Variants in CCDC80 observed in about 807,000 individuals in gnomAD.
CCDC80 encodes coiled-coil domain-containing protein 80.
CCDC80 carries 49 observed loss-of-function variants against 78.7 expected under a neutral mutation model. That is an observed-to-expected ratio of 0.62 (90% confidence interval 0.50 to 0.79). The LOEUF (loss-of-function observed/expected upper bound fraction) is 0.79. Among genes scored for constraint, CCDC80 ranks in the 30% least tolerant of loss-of-function variants. The pLI, the probability that CCDC80 is intolerant of heterozygous loss-of-function variation, is 0.00. For synonymous variants in CCDC80, 488 were observed against 447.0 expected (o/e 1.09, Z -1.16); for missense variants, 1,205 against 1,198.6 (o/e 1.01, Z -0.08).
At chr3:112,618,833 T>C in intron 4 of CCDC80, 135 bp downstream of exon 4, 1 of 844,114 alleles carries the variant, frequency 1.2e-6, no homozygotes. Context: ...CATGGAAAAT[T>C]TGGCCCATCT....
rs757544072 is a variant in CCDC80 at position 112,597,374 on chromosome 3, G to A, written c.*8043C>T. On this transcript the variant is annotated 3_prime_UTR_variant, in exon 8 of 8. Transcript: ENST00000206423. ...TCCTTACATGGGCAGTAGACTATAA[G>A]TGTGTTAATTATTTTTCCTACTGCA... 9 of 152,230 alleles carry A rather than the reference G, an allele frequency of 5.9e-5. No homozygotes were observed. Among genetic ancestry groups the A allele is most frequent in the Non-Finnish European group, 1.3e-4 (9 of 68,024 alleles). 9.4% of individuals were successfully genotyped at this position (152,230 alleles called of 1,614,324 possible). A position where few individuals can be genotyped will look rare whatever the true frequency, so the allele number is the denominator to read the frequency against.
chr3:112,628,384 A>G (rs1188253390), intron 3 of CCDC80, among the ~76,000 whole-genome samples: 1 of 152,168 alleles, frequency 6.6e-6, no homozygotes, highest in Non-Finnish European at 1.5e-5. Context: ...GCACAAAGCA[A>G]TAACAAGTAT....
chr3:112,607,942 G>A (rs1046832622), intron 6 of CCDC80, among the ~76,000 whole-genome samples: 14 of 152,330 alleles, frequency 9.2e-5, no homozygotes, highest in African/African-American at 2.9e-4. Flanking sequence ...AATTGAAATT[G>A]TTCTGCTTCC....
chr3:112,608,277 G>A (rs781314307), intron 6 of CCDC80, among the ~76,000 whole-genome samples: 2 of 152,210 alleles, frequency 1.3e-5, no homozygotes, highest in African/African-American at 2.4e-5. Flanking sequence ...TATTGTCCAG[G>A]AGAGAAAAGT....
chr3:112,633,633 T>A (rs900753437), intron 2 of CCDC80, among the ~76,000 whole-genome samples: 25 of 152,174 alleles, frequency 1.6e-4, no homozygotes, highest in Non-Finnish European at 1.5e-4. Flanking sequence ...TTGTTGTGAA[T>A]GTCTAGATGC....
At chr3:112,627,878 A>AG (rs1227027141) in intron 3 of CCDC80, among the ~76,000 whole-genome samples, 1 of 151,872 alleles carries the variant, frequency 6.6e-6, no homozygotes, top group Middle Eastern at 3.2e-3. Flanking sequence ...AAAAAAAAAA[A>AG]AAAAGACCCA....
At chr3:112,617,014 A>G (rs537705980) in intron 4 of CCDC80, among the ~76,000 whole-genome samples, 156 bp from the exon 5 acceptor site, 4 of 152,340 alleles carry the variant, frequency 2.6e-5, no homozygotes, top group Middle Eastern at 3.4e-3. Context: ...CTCCTGCAAT[A>G]GTACCCTTTG....
chr3:112,610,056 C>T lies in CCDC80; in HGVS notation c.2347G>A (p.Val783Met). The T allele has an allele frequency of 6.2e-7, 1 of 1,613,750 alleles. No homozygotes were observed. Residue 783 changes from valine to methionine, a missense_variant, in exon 6 of 8, where the codon GTG becomes ATG. By Grantham distance (21) the Val-to-Met change is conservative. Transcript: ENST00000206423. ...SRFRWRRRLL[V>M]ISAPNDEDWA... Reference sequence around the variant, plus strand: ...TCTTCATCGTTAGGAGCAGAGATCACCAGCAACCTCCTCCTCCACCGGAAC... The same window carrying T: ...TCTTCATCGTTAGGAGCAGAGATCATCAGCAACCTCCTCCTCCACCGGAAC...
Position 112,638,618 on chromosome 3 carries a change from T to G in CCDC80, c.1288A>C (p.Thr430Pro), listed in dbSNP as rs1936264484. 6.2e-7 allele frequency: 1 copy of G among 1,613,976 alleles called. No homozygotes were observed. Among genetic ancestry groups the G allele is most frequent in the Non-Finnish European group, 8.5e-7 (1 of 1,179,992 alleles). Residue 430 changes from threonine (T) to proline (P), a missense_variant, in exon 2 of 8, where the codon ACC becomes CCC. Physicochemically the swap from Thr to Pro is conservative, Grantham distance 38. Transcript: ENST00000206423. ...CTGGTGGCCTTGCTGGGCCTCCTGG[T>G]TGTCTGTGGCCTCTCCCTGTGCTGA... ...KDQHRERPQT[T>P]RRPSKATSLE...
chr3:112,638,688 C>CA lies in CCDC80; in HGVS notation c.1217_1218insT (p.Arg406SerfsTer98). 2 of 1,613,902 alleles carry CA rather than the reference C, an allele frequency of 1.2e-6. No homozygotes were observed. Among genetic ancestry groups the CA allele is most frequent in the Non-Finnish European group, 1.7e-6 (2 of 1,179,972 alleles). On this transcript the variant is annotated frameshift_variant, in exon 2 of 8. Transcript: ENST00000206423. LOFTEE classifies it high-confidence loss of function. The stretch of plus-strand genomic sequence containing the variant: ...AAAGATTCTCTGAAACTGAGGGTCT[C>CA]CTGGCAGTGATCACCTCAGTGGTTG...
At chr3:112,608,392 A>G (rs1185673979) in intron 6 of CCDC80, among the ~76,000 whole-genome samples, 1 of 152,198 alleles carries the variant, frequency 6.6e-6, no homozygotes, top group African/African-American at 2.4e-5. Flanking sequence ...AGAGAAGTGA[A>G]CTATTCTGTT....
chr3:112,639,670 C>T lies in CCDC80; in HGVS notation c.236G>A (p.Ser79Asn), dbSNP rs139180030. 2 of 1,614,138 alleles carry T rather than the reference C, an allele frequency of 1.2e-6. No individual in the cohort carries two copies. The highest frequency in any genetic ancestry group is 1.3e-5 in the African/African-American group (1 of 75,032). ...PNLQPLQRRR[S>N]VPVLRLARPT... ...GCGAGCTAGTCTCAACACGGGCACACTCCTCCTTCTCTGGAGAGGCTGAAG... is the reference window on the plus strand; with the variant it reads ...GCGAGCTAGTCTCAACACGGGCACATTCCTCCTTCTCTGGAGAGGCTGAAG... Residue 79 changes from serine to asparagine, a missense_variant, in exon 2 of 8, where the codon AGT (serine) becomes AAT (asparagine). Ser to Asn is a conservative substitution (Grantham distance 46). Coordinates refer to ENST00000206423, the MANE Select transcript of CCDC80 (RefSeq NM_199511.3).
At chr3:112,608,004 G>A (rs1935548909) in intron 6 of CCDC80, among the ~76,000 whole-genome samples, 6 of 152,196 alleles carry the variant, frequency 3.9e-5, no homozygotes, top group Admixed American at 3.9e-4. Flanking sequence ...CTAATTTAGA[G>A]GATTAAAAGG....
intron 7 of CCDC80, 127 bp downstream of exon 7, chr3:112,607,049 T>C (rs1222102641): frequency 3.1e-6 from 2 of 643,512 alleles, no homozygotes; most frequent in South Asian, 2.2e-5. Context: ...CACAAATGCA[T>C]GAAGTGGGAG....
intron 3 of CCDC80, among the ~76,000 whole-genome samples, chr3:112,623,248 T>C (rs1240378480): frequency 6.6e-6 from 1 of 152,192 alleles, no homozygotes; most frequent in Non-Finnish European, 1.5e-5. Flanking sequence ...TATTTGTCCT[T>C]TCGTGACTCA....
chr3:112,629,716 A>C (rs1375718500), intron 3 of CCDC80, among the ~76,000 whole-genome samples: 4 of 152,200 alleles, frequency 2.6e-5, no homozygotes, highest in African/African-American at 7.2e-5. Context: ...GAGTCTGGCA[A>C]GTCCCATCTG....
In CCDC80 at chr3:112,598,016, A is replaced by G. The variant is rs1935311983; in HGVS notation, c.*7401T>C. The G allele has an allele frequency of 2.0e-5, 3 of 152,186 alleles. No individual in the cohort carries two copies. Among genetic ancestry groups the G allele is most frequent in the Non-Finnish European group, 4.4e-5 (3 of 68,040 alleles). The allele number at this position is 152,186 out of a possible 1,614,324, so 9.4% of individuals were successfully genotyped here. A position where few individuals can be genotyped will look rare whatever the true frequency, so the allele number is the denominator to read the frequency against. Reference sequence around the variant, plus strand: ...ACTTGAGTCTAAATTTTAAGTTAGTATCCTGTATTAAGAACTGGGTTGATC... The same window carrying G: ...ACTTGAGTCTAAATTTTAAGTTAGTGTCCTGTATTAAGAACTGGGTTGATC... On this transcript the variant is annotated 3_prime_UTR_variant, in exon 8 of 8. Coordinates refer to ENST00000206423, the MANE Select transcript of CCDC80 (RefSeq NM_199511.3).
chr3:112,608,390 G>A (rs1576779440), intron 6 of CCDC80, among the ~76,000 whole-genome samples: 1 of 152,094 alleles, frequency 6.6e-6, no homozygotes, highest in Admixed American at 6.5e-5. Flanking sequence ...CCAGAGAAGT[G>A]AACTATTCTG....
rs1303206385 is a variant in CCDC80 at position 112,601,692 on chromosome 3, AAAAAGAG to A, written c.*3718_*3724del. Reference sequence around the variant, plus strand: ...AGACCCTCTCCAAAAAAAGAAAAAAAAAAAGAGAAAAAAAAGAAGCAGCAGCAACGAA... The same window carrying A: ...AGACCCTCTCCAAAAAAAGAAAAAAAAAAAAAAAGAAGCAGCAGCAACGAA... On this transcript the variant is annotated 3_prime_UTR_variant, in exon 8 of 8. Transcript: ENST00000206423. The A allele has an allele frequency of 1.4e-4, 4 of 29,524 alleles. No individual in the cohort carries two copies. The highest frequency in any genetic ancestry group is 3.2e-4 in the African/African-American group (4 of 12,570). The allele number at this position is 29,524 out of a possible 1,614,324, so 1.8% of individuals were successfully genotyped here. A position where few individuals can be genotyped will look rare whatever the true frequency, so the allele number is the denominator to read the frequency against.
Sources: allele counts gnomAD v4.1 joint callset (sites outside exome capture counted in the v4.1 genomes callset), GRCh38; gene constraint gnomAD v4.1.1; transcripts MANE v1.5; gene names NCBI Gene and HGNC (gene_info 2026-07-23, HGNC 2026-07-21).